Variants in LEPR observed in about 807,000 individuals in gnomAD.
LEPR encodes the protein OB receptor.
LEPR carries 56 observed loss-of-function variants against 114.7 expected under a neutral mutation model. The observed-to-expected ratio is 0.49, with a 90% CI of 0.39 to 0.61. The LOEUF (loss-of-function observed/expected upper bound fraction) is 0.61. LEPR is among the 20% of genes least tolerant of loss of function. The pLI, the probability that LEPR is intolerant of heterozygous loss-of-function variation, is 0.00. For missense variants in LEPR, 1,202 were observed against 1,352.9 expected (o/e 0.89, Z 1.75); for synonymous variants, 443 against 461.4 (o/e 0.96, Z 0.51).
At chr1:65,509,109 T>C (rs1310889917) in intron 2 of LEPR, among the ~76,000 whole-genome samples, 1 of 152,152 alleles carries the variant, frequency 6.6e-6, no homozygotes, top group Non-Finnish European at 1.5e-5. Context: ...GGATTTTCCA[T>C]CTATAAGAGC....
chr1:65,485,614 C>G (rs577441563), intron 2 of LEPR, among the ~76,000 whole-genome samples: 1 of 151,326 alleles, frequency 6.6e-6, no homozygotes, highest in South Asian at 2.1e-4. Flanking sequence ...CACACAAACT[C>G]TCTCTCTCTC....
intron 2 of LEPR, among the ~76,000 whole-genome samples, chr1:65,437,841 CCTT>C (rs989148828): frequency 5.9e-5 from 9 of 151,876 alleles, no homozygotes; most frequent in African/African-American, 1.9e-4. Context: ...TTTAGGGTCT[CCTT>C]CTGTTGCCCA....
intron 9 of LEPR, 56 bp downstream of exon 9, chr1:65,601,738 A>G (rs1656452304): frequency 6.2e-7 from 1 of 1,610,094 alleles, no homozygotes; most frequent in African/African-American, 1.3e-5. Context: ...TTCATTATGG[A>G]CCCTCCTTAT....
chr1:65,422,171 CAAATT>C (rs1467370640), intron 1 of LEPR, among the ~76,000 whole-genome samples: 3 of 152,140 alleles, frequency 2.0e-5, no homozygotes, highest in African/African-American at 7.2e-5. Context: ...CAGATATAAT[CAAATT>C]AAAATGATAA....
chr1:65,523,951 C>G (rs1195348503), intron 2 of LEPR, among the ~76,000 whole-genome samples: 2 of 152,148 alleles, frequency 1.3e-5, no homozygotes, highest in Non-Finnish European at 2.9e-5. Context: ...GGCACAGACA[C>G]AGAGGAGAAG....
intron 8 of LEPR, among the ~76,000 whole-genome samples, chr1:65,599,428 T>G (rs1280630340): frequency 1.3e-5 from 2 of 152,096 alleles, no homozygotes; most frequent in African/African-American, 4.8e-5. Context: ...AGGGCAAAAT[T>G]TTTCTTGTTC....
chr1:65,516,302 G>A (rs934961048), intron 2 of LEPR, among the ~76,000 whole-genome samples: 8 of 151,992 alleles, frequency 5.3e-5, no homozygotes, highest in Admixed American at 2.0e-4. Context: ...GGATTAGCCC[G>A]GCGTGGTGGC....
At chr1:65,466,937 T>C (rs1430794749) in intron 2 of LEPR, among the ~76,000 whole-genome samples, 2 of 152,170 alleles carry the variant, frequency 1.3e-5, no homozygotes, top group Non-Finnish European at 1.5e-5. Flanking sequence ...CTTCTCACCT[T>C]TTTTCAAGGT....
rs1375007613 is a variant in LEPR at position 65,444,844 on chromosome 1, A to C, written c.-21+19466A>C. ...CTCATATAGTCATTAAGAGTTTACA[A>C]AACTGTGTCAATTAGGTCCATATAA... On this transcript the variant is annotated intron_variant, in intron 2 of 19. Coordinates refer to ENST00000349533, the MANE Select transcript of LEPR (RefSeq NM_002303.6). 2.6e-5 allele frequency among the ~76,000 whole-genome samples: 4 copies of C among 152,206 alleles called. No homozygotes were observed. In the East Asian group the frequency reaches 7.7e-4, roughly 29 times the overall value.
chr1:65,557,493 C>T (rs537795948), intron 2 of LEPR, among the ~76,000 whole-genome samples: 14 of 152,158 alleles, frequency 9.2e-5, no homozygotes, highest in Non-Finnish European at 1.6e-4. Context: ...GATCTCAGCT[C>T]ACTGCAACCT....
intron 2 of LEPR, among the ~76,000 whole-genome samples, chr1:65,444,091 A>G (rs1399763634): frequency 1.4e-5 from 1 of 70,582 alleles, no homozygotes; most frequent in Non-Finnish European, 3.3e-5. Flanking sequence ...ATATCTCCCA[A>G]TGCTATCCCT....
intron 2 of LEPR, among the ~76,000 whole-genome samples, chr1:65,535,225 A>G (rs1035199815): frequency 2.0e-5 from 3 of 151,820 alleles, no homozygotes; most frequent in African/African-American, 4.8e-5. Context: ...AGTTGCTGTT[A>G]TAGTAGTAAG....
intron 5 of LEPR, among the ~76,000 whole-genome samples, chr1:65,579,374 C>T (rs1453315354): frequency 1.3e-5 from 2 of 151,974 alleles, no homozygotes; most frequent in East Asian, 1.9e-4. Flanking sequence ...AGTTGATAAT[C>T]GAAGGGGAGC....
At chr1:65,578,494 A>G (rs780744056) in intron 5 of LEPR, 2 of 184,714 alleles carry the variant, frequency 1.1e-5, no homozygotes, top group Non-Finnish European at 2.4e-5. Context: ...TCTGAGCCAC[A>G]GGAGCTGCCC....
At chr1:65,606,827 A>C (rs1430354699) in intron 11 of LEPR, among the ~76,000 whole-genome samples, 13 of 152,202 alleles carry the variant, frequency 8.5e-5, no homozygotes, top group Admixed American at 8.5e-4. Context: ...TTGTTCTATG[A>C]AGAATTGAAT....
At chr1:65,550,135 G>A (rs899760181) in intron 2 of LEPR, among the ~76,000 whole-genome samples, 3 of 152,120 alleles carry the variant, frequency 2.0e-5, no homozygotes, top group South Asian at 2.1e-4. Context: ...GCGGATTTTC[G>A]TGAACCGCGA....
At chr1:65,608,637 A>G in intron 11 of LEPR, 116 bp from the exon 12 acceptor site, 1 of 1,156,808 alleles carries the variant, frequency 8.6e-7, no homozygotes, top group Admixed American at 2.5e-5. Context: ...TGAGTGAGAA[A>G]GTTATGAAGA....
chr1:65,537,440 T>C (rs1181974188), intron 2 of LEPR, among the ~76,000 whole-genome samples: 2 of 152,218 alleles, frequency 1.3e-5, no homozygotes, highest in Non-Finnish European at 2.9e-5. Context: ...GGCTAAATTG[T>C]ATGTTTATAC....
At chr1:65,465,151 TG>T (rs1233611280) in intron 2 of LEPR, among the ~76,000 whole-genome samples, 1 of 152,226 alleles carries the variant, frequency 6.6e-6, no homozygotes, top group Non-Finnish European at 1.5e-5. Flanking sequence ...TCCTTTCTCT[TG>T]TGGGCAGTTA....
Sources: gnomAD v4.1 joint callset for allele counts (sites outside exome capture counted in the v4.1 genomes callset) on GRCh38, gnomAD v4.1.1 for gene constraint, MANE v1.5 for transcripts, NCBI Gene and HGNC (gene_info 2026-07-23, HGNC 2026-07-21) for gene names.